Variants in ATP7B observed in about 807,000 individuals in gnomAD.
ATP7B encodes ATPase copper transporting beta, also known as copper-transporting ATPase 2.
A neutral mutation model predicts 118.9 loss-of-function variants in ATP7B; 113 were observed. The ratio of observed to expected loss-of-function variants is 0.95; its 90% CI spans 0.82 to 1.11. ATP7B has a LOEUF of 1.11. Ranked by LOEUF, ATP7B falls within the 50% of genes most tolerant of loss-of-function variation. The probability of loss-of-function intolerance (pLI) is 0.00; values close to 1 mark genes in which losing one functional copy is unlikely to be tolerated. For missense variants in ATP7B, 1,867 were observed against 1,871.4 expected (o/e 1.00, Z 0.04); for synonymous variants, 777 against 727.4 (o/e 1.07, Z -1.10).
At chr13:51,991,508 C>CA (rs952337361) in intron 1 of ATP7B, among the ~76,000 whole-genome samples, 44 of 150,432 alleles carry the variant, frequency 2.9e-4, no homozygotes, top group Admixed American at 9.9e-4. Flanking sequence ...AAAAAACAAA[C>CA]AAAAAAAAAC....
chr13:51,968,596 C>A lies in ATP7B; in HGVS notation c.1555G>T (p.Val519Leu), dbSNP rs192957846. Residue 519 changes from valine to leucine, a missense_variant, in exon 4 of 21, where the codon GTG becomes TTG. By Grantham distance (32) the Val-to-Leu change is conservative. Transcript: ENST00000242839. ...NLQKEAGVLS[V>L]LVALMAGKAE... is the part of the protein sequence containing the mutation. ...TTTCCTGCCATCAAGGCAACCAACA[C>A]GGAGAGAACACCTGGAACCATCAGG... 1 of 1,613,982 alleles carries A rather than the reference C, an allele frequency of 6.2e-7. No individual in the cohort carries two copies. The highest frequency in any genetic ancestry group is 1.3e-5 in the African/African-American group (1 of 74,898).
chr13:51,968,079 G>A (rs1183551361), intron 4 of ATP7B, among the ~76,000 whole-genome samples: 2 of 152,144 alleles, frequency 1.3e-5, no homozygotes, highest in Non-Finnish European at 2.9e-5. Context: ...TTGCAGGCAT[G>A]CTAGCTTCTT....
At chr13:51,957,419 A>T in intron 9 of ATP7B, 97 bp downstream of exon 9, 1 of 1,251,416 alleles carries the variant, frequency 8.0e-7, no homozygotes, top group African/African-American at 1.5e-5. Flanking sequence ...CCACACTCAC[A>T]AGGTCTATTG....
chr13:51,991,041 T>C (rs1952881753), intron 1 of ATP7B, among the ~76,000 whole-genome samples: 1 of 151,786 alleles, frequency 6.6e-6, no homozygotes, highest in Admixed American at 6.6e-5. Context: ...TGAGCCAAGA[T>C]CGCGCCACTG....
At chr13:51,944,037 A>C in intron 14 of ATP7B, 72 bp downstream of exon 14, 3 of 1,592,734 alleles carry the variant, frequency 1.9e-6, no homozygotes, top group Non-Finnish European at 2.6e-6. Context: ...GAGGGCAGCT[A>C]GGAGAGAAGG....
chr13:51,971,119 G>T (rs1022858016), intron 2 of ATP7B, among the ~76,000 whole-genome samples: 7 of 152,172 alleles, frequency 4.6e-5, no homozygotes, highest in African/African-American at 1.7e-4. Flanking sequence ...AATCACGCTG[G>T]CCGCAAGGCT....
At chr13:51,936,960 T>C (rs572346695) in intron 19 of ATP7B, among the ~76,000 whole-genome samples, 93 of 152,290 alleles carry the variant, frequency 6.1e-4, no homozygotes, top group African/African-American at 2.0e-3. Context: ...TTCTTACTAA[T>C]GATTATTTCT....
Position 51,937,338 on chromosome 13 carries a change from C to G in ATP7B, c.3959G>C (p.Arg1320Thr), listed in dbSNP as rs548512104. 16 of 1,614,072 alleles carry G rather than the reference C, an allele frequency of 9.9e-6. No individual in the cohort carries two copies. The highest frequency in any genetic ancestry group is 3.3e-5 in the Admixed American group (2 of 60,010). ...SIHLSKRTVR[R>T]IRINLVLALI... ...TGCCAGGACCAGGTTGATGCGTATC[C>G]TTCGGACAGTCCTCTTGGAAAGGTG... Residue 1320 changes from arginine (R) to threonine (T), a missense_variant, in exon 19 of 21, where the codon AGG (arginine) becomes ACG (threonine). By Grantham distance (71) the Arg-to-Thr change is moderately conservative. Transcript: ENST00000242839.
chr13:51,974,527 G>A lies in ATP7B; in HGVS notation c.693C>T (p.Asn231=), dbSNP rs2140092691. The A allele has an allele frequency of 6.2e-7, 1 of 1,614,158 alleles. No individual in the cohort carries two copies. Among genetic ancestry groups the A allele is most frequent in the Non-Finnish European group, 8.5e-7 (1 of 1,180,038 alleles). The change falls in exon 2 of 21, where the codon AAC becomes AAT. Residue 231 remains asparagine, a synonymous_variant. Transcript: ENST00000242839. The part of the protein sequence containing the change: ...PIDIERLQST[N]PKRPLSSANQ... ...TAGCAGAAGATAAAGGTCTCTTTGG[G>A]TTAGTGCTTTGTAACCGCTCAATAT...
At chr13:51,967,068 A>C (rs1031849955) in intron 4 of ATP7B, 1 of 1,604,898 alleles carries the variant, frequency 6.2e-7, no homozygotes, top group Non-Finnish European at 8.5e-7. Flanking sequence ...CAATAACAAG[A>C]AAATTGAAAG....
At chr13:51,992,340 T>G (rs919835676) in intron 1 of ATP7B, among the ~76,000 whole-genome samples, 5 of 152,200 alleles carry the variant, frequency 3.3e-5, no homozygotes, top group Admixed American at 3.3e-4. Flanking sequence ...AGTGTTCCAA[T>G]GGAAAAGCAA....
chr13:51,970,878 C>A (rs1465300182), intron 2 of ATP7B, 129 bp from the exon 3 acceptor site: 1 of 695,438 alleles, frequency 1.4e-6, no homozygotes, highest in Non-Finnish European at 2.3e-6. Flanking sequence ...AGCCCCTGGG[C>A]TCCAGTAACT....
intron 1 of ATP7B, among the ~76,000 whole-genome samples, chr13:52,005,964 A>C (rs1566675660): frequency 6.6e-6 from 1 of 152,362 alleles, no homozygotes; most frequent in South Asian, 2.1e-4. Context: ...AAGGCAAGGA[A>C]CACCTGGCCC....
chr13:52,005,298 T>C (rs936886046), intron 1 of ATP7B, among the ~76,000 whole-genome samples: 12 of 152,350 alleles, frequency 7.9e-5, no homozygotes, highest in East Asian at 3.9e-4. Context: ...TCTTGCATTT[T>C]CTTATAAGCA....
At chr13:51,938,244 T>C (rs546238664) in intron 17 of ATP7B, among the ~76,000 whole-genome samples, 1 of 149,296 alleles carries the variant, frequency 6.7e-6, no homozygotes, top group South Asian at 2.1e-4. Flanking sequence ...TTTCCTTTCC[T>C]AGTCCCTTTC....
upstream of ATP7B, chr13:52,012,013 T>G: frequency 5.5e-6 from 2 of 361,732 alleles, no homozygotes; most frequent in South Asian, 5.1e-5. Context: ...AAGAGTGAAC[T>G]CCGCACCTGG....
chr13:51,950,268 T>C lies in ATP7B; in HGVS notation c.2575+4A>G, dbSNP rs761060032. ...CTGAGGGAACATGAAACAAGCCATC[T>C]CACCTGTGATGAGGGACTCATCAGC... On this transcript the variant is annotated splice_donor_region_variant and intron_variant, in intron 10 of 20. Coordinates refer to ENST00000242839, the MANE Select transcript of ATP7B (RefSeq NM_000053.4). 1.2e-6 allele frequency: 2 copies of C among 1,614,126 alleles called. No homozygotes were observed. Among genetic ancestry groups the C allele is most frequent in the East Asian group, 4.5e-5 (2 of 44,876 alleles).
At chr13:51,946,158 G>A (rs2139039858) in intron 13 of ATP7B, 126 bp downstream of exon 13, 1 of 1,289,542 alleles carries the variant, frequency 7.8e-7, no homozygotes, top group East Asian at 2.6e-5. Flanking sequence ...AGTTATACTT[G>A]ACTTCCTATT....
chr13:51,958,746 A>G (rs1339798760), intron 7 of ATP7B: 1 of 605,184 alleles, frequency 1.7e-6, no homozygotes, highest in East Asian at 2.8e-5. Flanking sequence ...GACCAAGAGC[A>G]TGTGAGACCT....
Sources: gnomAD v4.1 joint callset for allele counts (sites outside exome capture counted in the v4.1 genomes callset) on GRCh38, gnomAD v4.1.1 for gene constraint, MANE v1.5 for transcripts, NCBI Gene and HGNC (gene_info 2026-07-23, HGNC 2026-07-21) for gene names.